CAPN14: variants seen among roughly 807,000 people sequenced by gnomAD.
CAPN14 encodes calpain-14.
A neutral mutation model predicts 101.3 loss-of-function variants in CAPN14; 94 were observed. That is an observed-to-expected ratio of 0.93 (90% CI 0.79 to 1.10). CAPN14 has a LOEUF of 1.10. CAPN14 is among the 50% of genes least tolerant of loss of function. CAPN14 has a pLI of 0.00. For synonymous variants in CAPN14, 338 were observed against 317.9 expected (o/e 1.06, Z -0.67); for missense variants, 837 against 828.4 (o/e 1.01, Z -0.13).
intron 12 of CAPN14, 28 bp from the exon 13 acceptor site, chr2:31,189,506 A>C: frequency 6.5e-7 from 1 of 1,533,068 alleles, no homozygotes; most frequent in Non-Finnish European, 8.8e-7. Flanking sequence ...AAGAACAGCA[A>C]GGGAGGTGAT....
chr2:31,189,025 C>CA (rs1185866024), intron 13 of CAPN14, among the ~76,000 whole-genome samples: 1 of 152,178 alleles, frequency 6.6e-6, no homozygotes, highest in Non-Finnish European at 1.5e-5. Context: ...TTCAGGAGGG[C>CA]AGAAGCTATG....
At chr2:31,183,858 T>C (rs961988853) in intron 16 of CAPN14, among the ~76,000 whole-genome samples, 4 of 132,808 alleles carry the variant, frequency 3.0e-5, no homozygotes, top group Non-Finnish European at 6.4e-5. Flanking sequence ...TCCCTCCCTC[T>C]CTCTCTCTTT....
intron 1 of CAPN14, among the ~76,000 whole-genome samples, chr2:31,216,045 A>C (rs957615290): frequency 6.6e-6 from 1 of 152,210 alleles, no homozygotes; most frequent in Non-Finnish European, 1.5e-5. Context: ...GTCCATGAAC[A>C]TGGATAAATA....
upstream of CAPN14, among the ~76,000 whole-genome samples, chr2:31,221,428 A>G (rs529815671): frequency 3.9e-5 from 6 of 152,270 alleles, no homozygotes; most frequent in South Asian, 1.2e-3. Context: ...GTCCAAATCA[A>G]TACACTACTA....
At chr2:31,180,169 A>C (rs567885099) in intron 17 of CAPN14, among the ~76,000 whole-genome samples, 13 of 134,900 alleles carry the variant, frequency 9.6e-5, no homozygotes, top group Non-Finnish European at 1.4e-4. Context: ...GTAGCAGGTG[A>C]GGTCGGCATT....
chr2:31,194,334 G>A, intron 9 of CAPN14, 75 bp downstream of exon 9: 2 of 1,078,912 alleles, frequency 1.9e-6, no homozygotes, highest in Non-Finnish European at 2.8e-6. Flanking sequence ...CACCCATAAG[G>A]CATCCAATAA....
chr2:31,192,353 C>T (rs1219333662), intron 10 of CAPN14, among the ~76,000 whole-genome samples: 1 of 152,192 alleles, frequency 6.6e-6, no homozygotes, highest in East Asian at 1.9e-4. Flanking sequence ...CAGTGCCTGG[C>T]CCAGGTGTTA....
At chr2:31,217,516 A>G (rs1055964872), upstream of CAPN14, 5 of 152,118 alleles carry the variant, frequency 3.3e-5, no homozygotes, top group African/African-American at 9.7e-5. Context: ...GTGCAGTCAG[A>G]AGCATGCAGC....
intron 2 of CAPN14, among the ~76,000 whole-genome samples, chr2:31,226,217 TA>T (rs1683016310): frequency 6.6e-6 from 1 of 152,244 alleles, no homozygotes; most frequent in South Asian, 2.1e-4. Flanking sequence ...CAAACTTTAA[TA>T]CCCCACTTTG....
chr2:31,203,014 C>T (rs1681876207), intron 3 of CAPN14, 56 bp downstream of exon 3: 1 of 1,443,944 alleles, frequency 6.9e-7, no homozygotes, highest in South Asian at 1.2e-5. Context: ...TCTGTCTTGG[C>T]CAGGCCTGGT....
intron 21 of CAPN14, among the ~76,000 whole-genome samples, chr2:31,175,456 T>C (rs1485146293): frequency 3.3e-5 from 5 of 152,254 alleles, no homozygotes; most frequent in Non-Finnish European, 5.9e-5. Flanking sequence ...CTTCCTGTGA[T>C]AGCTCTTTGC....
Position 31,188,338 on chromosome 2 carries a change from A to C in CAPN14, c.1510T>G (p.Ser504Ala). 1 of 1,551,632 alleles carries C rather than the reference A, an allele frequency of 6.4e-7. No individual in the cohort carries two copies. The highest frequency in any genetic ancestry group is 8.7e-7 in the Non-Finnish European group (1 of 1,146,946). Residue 504 changes from serine (S) to alanine (A), a missense_variant, in exon 14 of 22, where the codon TCT becomes GCT. By Grantham distance (99) the Ser-to-Ala change is moderately conservative. Coordinates refer to ENST00000403897, the MANE Select transcript of CAPN14 (RefSeq NM_001145122.2). ...CTCACCTTTGAGAAGACGACACCAG[A>C]ATTGCTGCCAATTTCACTGAGAACA... is the stretch of plus-strand genomic sequence containing the variant. Reference protein sequence around the residue: ...KHIFYEIGSNSGVVFSKEIED... With the variant: ...KHIFYEIGSNAGVVFSKEIED...
At chr2:31,222,582 T>C (rs2148706779) in intron 2 of CAPN14, among the ~76,000 whole-genome samples, 1 of 152,348 alleles carries the variant, frequency 6.6e-6, no homozygotes, top group Middle Eastern at 3.4e-3. Flanking sequence ...GTAATGAATA[T>C]AAAACATTTA....
rs1682012437 is a variant in CAPN14 at position 31,205,268 on chromosome 2, G to A, written c.180C>T (p.Ser60=). ...GGCGGGGTGGCAGCTTCTGCAGCAG[G>A]GAGCCACTGCCGATGGAGCTCAGGG... ...PATLSSIGSG[S]LLQKLPPRLQ... is the part of the protein sequence containing the mutation. The change falls in exon 2 of 22, where the codon TCC becomes TCT. Residue 60 remains serine (S), a synonymous_variant. Transcript: ENST00000403897. 6.5e-7 allele frequency: 1 copy of A among 1,549,892 alleles called. No individual in the cohort carries two copies. Among genetic ancestry groups the A allele is most frequent in the Non-Finnish European group, 8.7e-7 (1 of 1,146,988 alleles).
At chr2:31,212,089 C>T (rs911575676) in intron 1 of CAPN14, among the ~76,000 whole-genome samples, 2 of 152,244 alleles carry the variant, frequency 1.3e-5, no homozygotes, top group South Asian at 4.1e-4. Flanking sequence ...AGGCCAAGAT[C>T]ACTTGAGGTC....
intron 1 of CAPN14, among the ~76,000 whole-genome samples, chr2:31,213,070 T>C (rs1377439610): frequency 6.6e-6 from 1 of 152,210 alleles, no homozygotes. Flanking sequence ...CTTTGCCTGA[T>C]TTATCTTGAG....
At chr2:31,229,057 G>A (rs1683108710) in intron 1 of CAPN14, among the ~76,000 whole-genome samples, 1 of 152,216 alleles carries the variant, frequency 6.6e-6, no homozygotes, top group Non-Finnish European at 1.5e-5. Flanking sequence ...AGCAGGATAT[G>A]CTTTTTAGAA....
At chr2:31,232,648 G>C (rs1418805902) in intron 1 of CAPN14, among the ~76,000 whole-genome samples, 1 of 152,134 alleles carries the variant, frequency 6.6e-6, no homozygotes, top group African/African-American at 2.4e-5. Flanking sequence ...AAAACCATCA[G>C]CTCTCACGAG....
chr2:31,206,551 A>C (rs981722477), intron 1 of CAPN14, among the ~76,000 whole-genome samples: 9 of 152,190 alleles, frequency 5.9e-5, no homozygotes, highest in African/African-American at 2.2e-4. Flanking sequence ...CACCATGCCC[A>C]GCCTACATTC....
Sources: gnomAD v4.1 joint callset for allele counts (sites outside exome capture counted in the v4.1 genomes callset) on GRCh38, gnomAD v4.1.1 for gene constraint, MANE v1.5 for transcripts, NCBI Gene and HGNC (gene_info 2026-07-23, HGNC 2026-07-21) for gene names.